Variants in KIF5B observed in about 807,000 individuals in gnomAD.
KIF5B encodes the protein kinesin-1 heavy chain.
A neutral mutation model predicts 132.8 loss-of-function variants in KIF5B; 49 were observed. The ratio of observed to expected loss-of-function variants is 0.37; its 90% CI spans 0.29 to 0.47. KIF5B has a LOEUF of 0.47. Among genes scored for constraint, KIF5B ranks in the 20% least tolerant of loss-of-function variants. The pLI is 1.00. For synonymous variants in KIF5B, 355 were observed against 369.4 expected (o/e 0.96, Z 0.45); for missense variants, 780 against 1,144.0 (o/e 0.68, Z 4.59).
intron 2 of KIF5B, among the ~76,000 whole-genome samples, chr10:32,043,551 G>A (rs1332221675): frequency 6.6e-6 from 1 of 152,166 alleles, no homozygotes; most frequent in Non-Finnish European, 1.5e-5. Context: ...GTTCAGGTCA[G>A]GAAGCCATGG....
chr10:32,055,886 T>C lies in KIF5B; in HGVS notation c.88A>G (p.Ile30Val), dbSNP rs144954832. ...ESEVNRGDKY[I>V]AKFQGEDTVV... Reference sequence around the variant, plus strand: ...GTGTCTTCTCCCTGAAACTTGGCGATGTACTTGTCGCCGCGGTTCACTTCA... The same window carrying C: ...GTGTCTTCTCCCTGAAACTTGGCGACGTACTTGTCGCCGCGGTTCACTTCA... The change falls in exon 1 of 26, where the codon ATC (isoleucine) becomes GTC (valine). Residue 30 changes from isoleucine to valine, a missense_variant. By Grantham distance (29) the Ile-to-Val change is conservative (BLOSUM62 3). Around this residue, in one of 9 missense-constraint regions of KIF5B, gnomAD observed 66 missense variants for 83.4 expected, o/e 0.79. Transcript: ENST00000302418. The C allele has an allele frequency of 2.2e-5, 36 of 1,612,922 alleles. 1 individual carries two copies. Among genetic ancestry groups the C allele is most frequent in the South Asian group, 8.8e-5 (8 of 91,088 alleles).
chr10:32,053,585 G>C (rs1235351550), intron 1 of KIF5B, among the ~76,000 whole-genome samples: 1 of 151,978 alleles, frequency 6.6e-6, no homozygotes, highest in Non-Finnish European at 1.5e-5. Flanking sequence ...TTAGCTGGGC[G>C]TGGTAGCGCG....
rs1426703960 is a variant in KIF5B, at chr10:32,017,202, C to T, written c.2702G>A (p.Arg901His). Residue 901 changes from arginine (R) to histidine (H), a missense_variant, in exon 24 of 26, where the codon CGC becomes CAC. Transcript: ENST00000302418. Reference protein sequence around the residue: ...DRKRYQQEVDRIKEAVRSKNM... With the variant: ...DRKRYQQEVDHIKEAVRSKNM... ...CTTTGACCTGACTGCTTCCTTTATG[C>T]GATCTACTTCTTGCTGATAGCGTTT... is the stretch of plus-strand genomic sequence containing the variant. 5 of 1,614,094 alleles carry T rather than the reference C, an allele frequency of 3.1e-6. No homozygotes were observed. The highest frequency in any genetic ancestry group is 4.2e-6 in the Non-Finnish European group (5 of 1,180,044).
chr10:32,056,305 GGA>G lies in KIF5B; in HGVS notation c.-334_-333del. 1 of 301,644 alleles carries G rather than the reference GGA, an allele frequency of 3.3e-6. No homozygotes were observed. The highest frequency in any genetic ancestry group is 6.2e-6 in the Non-Finnish European group (1 of 161,080). 18.7% of individuals were successfully genotyped at this position (301,644 alleles called of 1,614,324 possible). ...GGGGCTGGGGAGGTTCTGGGGACCG[GGA>G]GAGTGGCCACCTTCTTCCTCCTCGC... On this transcript the variant is annotated 5_prime_UTR_variant, in exon 1 of 26. Transcript: ENST00000302418.
At chr10:32,038,129 T>G in intron 6 of KIF5B, 34 bp downstream of exon 6, 3 of 1,338,442 alleles carry the variant, frequency 2.2e-6, no homozygotes, top group Non-Finnish European at 3.1e-6. Flanking sequence ...AAAAAAGTAT[T>G]ACAGGGTTTT....
chr10:32,045,429 CAG>C (rs1262488763), intron 2 of KIF5B, among the ~76,000 whole-genome samples: 2 of 152,116 alleles, frequency 1.3e-5, no homozygotes, highest in Non-Finnish European at 2.9e-5. Flanking sequence ...ATCCTCAAAA[CAG>C]AACAACAGAA....
At chr10:32,053,994 G>A (rs1035671549) in intron 1 of KIF5B, among the ~76,000 whole-genome samples, 1 of 152,006 alleles carries the variant, frequency 6.6e-6, no homozygotes, top group African/African-American at 2.4e-5. Flanking sequence ...TGTCGTATTT[G>A]TGCCTCATCA....
At chr10:32,026,220 G>GT (rs1841331512) in intron 15 of KIF5B, among the ~76,000 whole-genome samples, 1 of 151,774 alleles carries the variant, frequency 6.6e-6, no homozygotes, top group Admixed American at 6.6e-5. Flanking sequence ...AGATAAAGAG[G>GT]TCAGGAGATC....
At chr10:32,015,370 A>T in intron 25 of KIF5B, 139 bp downstream of exon 25, 1 of 583,674 alleles carries the variant, frequency 1.7e-6, no homozygotes, top group Non-Finnish European at 2.9e-6. Flanking sequence ...CTACACAAAA[A>T]GATCAAACTA....
chr10:32,030,798 T>C (rs1033614810), intron 14 of KIF5B, among the ~76,000 whole-genome samples: 2 of 152,192 alleles, frequency 1.3e-5, no homozygotes, highest in African/African-American at 4.8e-5. Context: ...TTCTACATGC[T>C]ATATACTAAA....
At chr10:32,022,296 A>G (rs1841274988) in intron 16 of KIF5B, 39 bp from the exon 17 acceptor site, 1 of 922,518 alleles carries the variant, frequency 1.1e-6, no homozygotes, top group East Asian at 2.4e-5. Context: ...TGGAAAACAT[A>G]TGCATACACT....
At chr10:32,035,810 C>A (rs1407601809) in intron 9 of KIF5B, 80 bp downstream of exon 9, 3 of 1,297,084 alleles carry the variant, frequency 2.3e-6, no homozygotes, top group Non-Finnish European at 3.2e-6. Flanking sequence ...CTCTCTCATA[C>A]ACACCCAGGC....
intron 19 of KIF5B, among the ~76,000 whole-genome samples, chr10:32,020,583 G>A (rs1308544634): frequency 6.6e-6 from 1 of 152,022 alleles, no homozygotes; most frequent in Non-Finnish European, 1.5e-5. Context: ...ACCAAGCTCA[G>A]CTAATTTAAA....
At chr10:32,011,540 G>T (rs1841081125) in intron 25 of KIF5B, 24 bp from the exon 26 acceptor site, 1 of 152,134 alleles carries the variant, frequency 6.6e-6, no homozygotes, top group African/African-American at 2.4e-5. Context: ...AAAGCATAGA[G>T]TAAATATGTT....
At chr10:32,023,683 T>G (rs1269531455) in intron 15 of KIF5B, among the ~76,000 whole-genome samples, 1 of 152,106 alleles carries the variant, frequency 6.6e-6, no homozygotes, top group African/African-American at 2.4e-5. Flanking sequence ...ATAAACAGGT[T>G]AACAGAACAG....
intron 10 of KIF5B, 110 bp downstream of exon 10, chr10:32,035,412 G>GC: frequency 1.1e-6 from 1 of 894,084 alleles, no homozygotes; most frequent in Non-Finnish European, 1.7e-6. Flanking sequence ...AACTGAGTGT[G>GC]TCTAGCACAA....
rs1048500655 is a variant in KIF5B, at chr10:32,032,294, T to C, written c.1374+412A>G. Among the ~76,000 whole-genome samples, 27 of 152,304 alleles carry C rather than the reference T, an allele frequency of 1.8e-4. No individual in the cohort carries two copies. The East Asian group carries it at 4.4e-3, about 25-fold the overall frequency. On this transcript the variant is annotated intron_variant, in intron 13 of 25. Transcript: ENST00000302418. ...ATAGTTGAAATATGAAATGCTATAG[T>C]TGAAAGATGATCTGACCAGGATTAA...
At chr10:32,022,364 TTAAAAC>T in intron 16 of KIF5B, 107 bp from the exon 17 acceptor site, 1 of 625,884 alleles carries the variant, frequency 1.6e-6, no homozygotes, top group Admixed American at 2.8e-5. Context: ...TTGGGAATAT[TTAAAAC>T]TAAAATATTC....
chr10:32,018,208 C>T lies in KIF5B; in HGVS notation c.2440-52G>A, dbSNP rs934454591. On this transcript the variant is annotated intron_variant, in intron 22 of 25. Coordinates refer to ENST00000302418, the MANE Select transcript of KIF5B (RefSeq NM_004521.3). ...AAAAATTAAAAAAAACTAAGCTTAA[C>T]TATACAAAAATTGACGTGACTGTAA... 7 of 1,479,256 alleles carry T rather than the reference C, an allele frequency of 4.7e-6. 1 individual carries two copies. The highest frequency in any genetic ancestry group is 3.5e-4 in the Middle Eastern group (2 of 5,652). 91.6% of individuals were successfully genotyped at this position (1,479,256 alleles called of 1,614,324 possible).
Sources: gnomAD v4.1 joint callset for allele counts (sites outside exome capture counted in the v4.1 genomes callset) on GRCh38, gnomAD v4.1.1 for gene constraint, gnomAD v4.1.1 regional missense constraint, MANE v1.5 for transcripts, NCBI Gene and HGNC (gene_info 2026-07-23, HGNC 2026-07-21) for gene names.